Variants in CBFA2T2 observed in about 807,000 individuals in gnomAD.
CBFA2T2 encodes protein CBFA2T2.
A neutral mutation model predicts 62.2 loss-of-function variants in CBFA2T2; 11 were observed. The ratio of observed to expected loss-of-function variants is 0.18; its 90% CI spans 0.11 to 0.29. CBFA2T2 has a LOEUF of 0.29. Ranked by LOEUF, CBFA2T2 falls within the 10% of genes least tolerant of loss-of-function variation. CBFA2T2 has a pLI of 1.00. For synonymous variants in CBFA2T2, 295 were observed against 287.5 expected, an observed-to-expected ratio of 1.03 and a Z score of -0.27; for missense variants, 592 against 774.1, an observed-to-expected ratio of 0.76 and a Z score of 2.79.
At chr20:33,590,695 C>T (rs1267885984) in intron 1 of CBFA2T2, among the ~76,000 whole-genome samples, 1 of 152,226 alleles carries the variant, frequency 6.6e-6, no homozygotes, top group East Asian at 1.9e-4. Context: ...CCTGTGGCTT[C>T]CCATAAAGAA....
At chr20:33,501,756 C>T (rs1045687567) in intron 1 of CBFA2T2, among the ~76,000 whole-genome samples, 2 of 142,982 alleles carry the variant, frequency 1.4e-5, no homozygotes, top group Non-Finnish European at 3.0e-5. Flanking sequence ...TCTCCTGCTG[C>T]AGCCTCCTGA....
chr20:33,564,263 TTC>T (rs200238745), intron 1 of CBFA2T2, among the ~76,000 whole-genome samples: 11,516 of 150,362 alleles, frequency 0.077, 1,162 homozygotes, highest in African/African-American at 0.21. Flanking sequence ...TTCTTTTTCT[TTC>T]TTTTTTTTTT....
intron 2 of CBFA2T2, among the ~76,000 whole-genome samples, chr20:33,610,538 C>G (rs893241207): frequency 6.6e-6 from 1 of 152,112 alleles, no homozygotes; most frequent in East Asian, 1.9e-4. Context: ...GTAACTGGCT[C>G]TAATGGACAT....
rs1252184090 is a variant in CBFA2T2, at chr20:33,644,886, T to C, written c.*240T>C. On this transcript the variant is annotated 3_prime_UTR_variant, in exon 11 of 11. Transcript: ENST00000342704. ...CAGCCTGAGCTGCCTCCTCCATGGC[T>C]TTCCTGGTTTGTTCCTCTCTCCACT... 2 of 518,162 alleles carry C rather than the reference T, an allele frequency of 3.9e-6. No homozygotes were observed. Among genetic ancestry groups the C allele is most frequent in the Non-Finnish European group, 6.8e-6 (2 of 294,568 alleles). 32.1% of individuals were successfully genotyped at this position (518,162 alleles called of 1,614,324 possible).
intron 8 of CBFA2T2, among the ~76,000 whole-genome samples, chr20:33,630,979 AAC>A (rs989547745): frequency 3.3e-5 from 5 of 152,204 alleles, no homozygotes; most frequent in African/African-American, 1.2e-4. Flanking sequence ...ACAAGGCGTC[AAC>A]ACATATGTAG....
rs1031315786 is a variant in CBFA2T2, at chr20:33,561,118, C to T, written c.35-45838C>T. Among the ~76,000 whole-genome samples, 10 of 152,128 alleles carry T rather than the reference C, an allele frequency of 6.6e-5. No individual in the cohort carries two copies. In the East Asian group the frequency reaches 1.3e-3, roughly 20 times the overall value. On this transcript the variant is annotated intron_variant, in intron 1 of 10. Coordinates refer to ENST00000342704, the MANE Select transcript of CBFA2T2 (RefSeq NM_001032999.3). ...GTCTTGATCTCTTGAGCTTGTGATC[C>T]GCTTGCCTCGGCCTCCAAAAGTGCT...
chr20:33,562,982 A>T (rs1415682460), intron 1 of CBFA2T2, among the ~76,000 whole-genome samples: 47 of 152,138 alleles, frequency 3.1e-4, no homozygotes, highest in Non-Finnish European at 7.4e-5. Flanking sequence ...TCCACGTTGG[A>T]TTGTTCTGTG....
chr20:33,592,381 T>TATAC (rs2014689169), intron 1 of CBFA2T2, among the ~76,000 whole-genome samples: 1 of 122,744 alleles, frequency 8.1e-6, no homozygotes, highest in Non-Finnish European at 1.7e-5. Context: ...ATTTTATATA[T>TATAC]ATATATATAT....
At chr20:33,499,652 T>C (rs2011246609) in intron 1 of CBFA2T2, among the ~76,000 whole-genome samples, 1 of 152,230 alleles carries the variant, frequency 6.6e-6, no homozygotes, top group African/African-American at 2.4e-5. Flanking sequence ...CGAGTATGAC[T>C]TTAAGTCTAG....
intron 1 of CBFA2T2, among the ~76,000 whole-genome samples, chr20:33,584,696 A>G (rs1399979578): frequency 6.6e-6 from 1 of 152,168 alleles, no homozygotes; most frequent in Non-Finnish European, 1.5e-5. Context: ...AATTATAACC[A>G]TAATATATTT....
At chr20:33,632,160 C>T (rs550502463) in intron 8 of CBFA2T2, among the ~76,000 whole-genome samples, 10 of 152,264 alleles carry the variant, frequency 6.6e-5, no homozygotes, top group Admixed American at 5.9e-4. Context: ...TCTCTTGCCT[C>T]ATCCTCCTGA....
chr20:33,558,291 C>T (rs2012974130), intron 1 of CBFA2T2, among the ~76,000 whole-genome samples: 2 of 151,292 alleles, frequency 1.3e-5, no homozygotes, highest in African/African-American at 4.9e-5. Context: ...GCCATCTTGC[C>T]CAGCTAATTT....
chr20:33,495,409 C>T (rs1365212714), intron 1 of CBFA2T2, among the ~76,000 whole-genome samples: 5 of 143,292 alleles, frequency 3.5e-5, no homozygotes, highest in East Asian at 2.1e-4. Context: ...AAAAAAAGGC[C>T]GGGCACGATG....
intron 1 of CBFA2T2, among the ~76,000 whole-genome samples, chr20:33,571,365 T>C (rs1600986861): frequency 1.3e-5 from 2 of 152,208 alleles, no homozygotes; most frequent in East Asian, 3.9e-4. Flanking sequence ...TAAGTGAAAA[T>C]AGTGGGTGAG....
chr20:33,633,958 T>C (rs2016540810), intron 8 of CBFA2T2, among the ~76,000 whole-genome samples: 1 of 152,250 alleles, frequency 6.6e-6, no homozygotes, highest in Middle Eastern at 3.4e-3. Flanking sequence ...AAGTAAAATT[T>C]TTTTTTGTTT....
intron 3 of CBFA2T2, among the ~76,000 whole-genome samples, chr20:33,612,088 A>G (rs2015552359): frequency 1.3e-5 from 2 of 152,232 alleles, no homozygotes; most frequent in Admixed American, 6.5e-5. Flanking sequence ...AATACTATCA[A>G]AATAAACAGT....
intron 1 of CBFA2T2, among the ~76,000 whole-genome samples, chr20:33,605,649 A>G (rs2015312280): frequency 1.3e-5 from 2 of 152,160 alleles, no homozygotes; most frequent in African/African-American, 4.8e-5. Flanking sequence ...AATTGTTCCC[A>G]TAGATGAAGT....
At chr20:33,625,742 G>A (rs2016197347) in intron 6 of CBFA2T2, among the ~76,000 whole-genome samples, 1 of 152,230 alleles carries the variant, frequency 6.6e-6, no homozygotes, top group Non-Finnish European at 1.5e-5. Context: ...GAGGCCAGAA[G>A]TTTGATACCA....
intron 1 of CBFA2T2, among the ~76,000 whole-genome samples, chr20:33,529,742 G>GTT (rs200577910): frequency 0.33 from 752 of 2,296 alleles, 58 homozygotes; most frequent in Middle Eastern, 0.5. Context: ...GAAGAAAGCA[G>GTT]TTATATATAT....
Sources: gnomAD v4.1 joint callset for allele counts (sites outside exome capture counted in the v4.1 genomes callset) on GRCh38, gnomAD v4.1.1 for gene constraint, MANE v1.5 for transcripts, NCBI Gene and HGNC (gene_info 2026-07-23, HGNC 2026-07-21) for gene names.